ST6GALNAC6: variants seen among roughly 807,000 people sequenced by gnomAD.
The protein encoded by ST6GALNAC6 is ST6 N-acetylgalactosaminide alpha-2,6-sialyltransferase 6.
ST6GALNAC6 carries 19 observed loss-of-function variants against 34.3 expected under a neutral mutation model. The observed-to-expected ratio is 0.55, with a 90% CI of 0.39 to 0.81. The LOEUF is 0.81. ST6GALNAC6 is among the 40% of genes least tolerant of loss of function. ST6GALNAC6 has a pLI of 0.00. For synonymous variants in ST6GALNAC6, 185 were observed against 182.1 expected, an observed-to-expected ratio of 1.02 and a Z score of -0.13; for missense variants, 377 against 467.7, an observed-to-expected ratio of 0.81 and a Z score of 1.79.
chr9:127,900,882 G>A (rs1285634391), upstream of ST6GALNAC6, among the ~76,000 whole-genome samples: 2 of 150,402 alleles, frequency 1.3e-5, no homozygotes, highest in Non-Finnish European at 3.0e-5. Flanking sequence ...TACTTGGGAG[G>A]CTGAGGCAGG....
At chr9:127,891,969 T>G (rs1408586043) in intron 4 of ST6GALNAC6, among the ~76,000 whole-genome samples, 2 of 152,004 alleles carry the variant, frequency 1.3e-5, no homozygotes, top group South Asian at 4.2e-4. Flanking sequence ...CTGACCAACA[T>G]GGAGAAACCC....
chr9:127,893,989 G>GA (rs1396364252), intron 4 of ST6GALNAC6, among the ~76,000 whole-genome samples: 1 of 152,152 alleles, frequency 6.6e-6, no homozygotes, highest in Non-Finnish European at 1.5e-5. Flanking sequence ...CAGCGGGTAG[G>GA]AAAATACCAT....
chr9:127,903,505 T>A (rs1231064427), upstream of ST6GALNAC6: 1 of 152,178 alleles, frequency 6.6e-6, no homozygotes, highest in Non-Finnish European at 1.5e-5. Flanking sequence ...TACCAGTTTG[T>A]TTCCAATTAA....
chr9:127,904,067 T>C (rs1170912420), upstream of ST6GALNAC6: 1 of 152,094 alleles, frequency 6.6e-6, no homozygotes, highest in African/African-American at 2.4e-5. Flanking sequence ...ATAACAGTAA[T>C]AACAAGGATG....
intron 2 of ST6GALNAC6, chr9:127,897,140 T>C: frequency 1.0e-6 from 1 of 981,990 alleles, no homozygotes. Flanking sequence ...CCAGCTCTGC[T>C]CCGCACACCC....
rs1426329585 is a variant in ST6GALNAC6 at position 127,885,542 on chromosome 9, G to A, written c.*1057C>T. ...GAGGCCCAGCTTTAATAAAGTGCCT[G>A]ATACAGAGCCAGGGGACAGAACCCA... On this transcript the variant is annotated 3_prime_UTR_variant, in exon 7 of 7. Transcript: ENST00000373146. 6.6e-6 allele frequency: 1 copy of A among 152,394 alleles called. No homozygotes were observed. Among genetic ancestry groups the A allele is most frequent in the African/African-American group, 2.4e-5 (1 of 41,444 alleles). 9.4% of individuals were successfully genotyped at this position (152,394 alleles called of 1,614,324 possible). A position where few individuals can be genotyped will look rare whatever the true frequency, so the allele number is the denominator to read the frequency against.
At chr9:127,899,674 G>A, upstream of ST6GALNAC6, 1 of 984,076 alleles carries the variant, frequency 1.0e-6, no homozygotes, top group South Asian at 4.7e-5. Context: ...GGTGGGCGGA[G>A]CCTCGGGGCC....
intron 2 of ST6GALNAC6, chr9:127,897,555 C>A: frequency 1.8e-6 from 1 of 561,100 alleles, no homozygotes; most frequent in Non-Finnish European, 2.3e-6. Flanking sequence ...CAGCGGCTGC[C>A]CCTCACTGCC....
intron 4 of ST6GALNAC6, 49 bp downstream of exon 4, chr9:127,894,463 G>T: frequency 6.3e-7 from 1 of 1,599,572 alleles, no homozygotes. Context: ...GGTGGAGGGA[G>T]TGGTGATGCT....
rs1829762479 is a variant in ST6GALNAC6, at chr9:127,886,524, G to A, written c.*75C>T. The stretch of plus-strand genomic sequence containing the variant: ...TCCAGCAAGCCTTGATTGGCCAGAA[G>A]ATGGTCCCTGGCCTAGCGGCTGGGC... On this transcript the variant is annotated 3_prime_UTR_variant, in exon 7 of 7. Coordinates refer to ENST00000373146, the MANE Select transcript of ST6GALNAC6 (RefSeq NM_013443.5). The A allele has an allele frequency of 6.4e-7, 1 of 1,574,392 alleles. No individual in the cohort carries two copies. The highest frequency in any genetic ancestry group is 2.3e-5 in the East Asian group (1 of 44,348).
chr9:127,894,547 T>C lies in ST6GALNAC6; in HGVS notation c.262A>G (p.Ile88Val), dbSNP rs1830331701. 3.1e-6 allele frequency: 5 copies of C among 1,614,034 alleles called. No homozygotes were observed. The highest frequency in any genetic ancestry group is 2.7e-5 in the African/African-American group (2 of 74,924). Residue 88 changes from isoleucine to valine, a missense_variant, in exon 4 of 7, where the codon ATC (isoleucine) becomes GTC (valine). Physicochemically the swap from Ile to Val is conservative, Grantham distance 29. Coordinates refer to ENST00000373146, the MANE Select transcript of ST6GALNAC6 (RefSeq NM_013443.5). ...AGAATGGGGACATAGCCGTCAGTGA[T>C]GCTCCACTTCTTGAGGTTGACAGGT... Reference protein sequence around the residue: ...RRPVNLKKWSITDGYVPILGN... With the variant: ...RRPVNLKKWSVTDGYVPILGN...
chr9:127,896,775 G>A (rs1012461198), intron 2 of ST6GALNAC6: 2 of 811,068 alleles, frequency 2.5e-6, no homozygotes, highest in Admixed American at 1.2e-4. Flanking sequence ...CCCTCCTATG[G>A]CCTCCTGACT....
chr9:127,887,839 G>C (rs1205713691), intron 5 of ST6GALNAC6, among the ~76,000 whole-genome samples: 1 of 152,210 alleles, frequency 6.6e-6, no homozygotes, highest in Non-Finnish European at 1.5e-5. Context: ...GGGCATGCTA[G>C]AAATGAACTG....
At chr9:127,896,933 C>T (rs1297640502) in intron 2 of ST6GALNAC6, 1 of 985,146 alleles carries the variant, frequency 1.0e-6, no homozygotes, top group Non-Finnish European at 1.2e-6. Flanking sequence ...TCAGGAATAT[C>T]GCTGAATGAA....
At position 127,887,476 on chromosome 9, in the gene ST6GALNAC6, G is replaced by A; in HGVS notation, c.812+8C>T. On this transcript the variant is annotated splice_region_variant and intron_variant, in intron 6 of 6. Transcript: ENST00000373146. Reference sequence around the variant, plus strand: ...TGTCCTGGGAGGGCGCTGGCAAGGAGGGCTCACCTGCAGTAGTTGGGGGGG... The same window carrying A: ...TGTCCTGGGAGGGCGCTGGCAAGGAAGGCTCACCTGCAGTAGTTGGGGGGG... 6.2e-7 allele frequency: 1 copy of A among 1,607,570 alleles called. No individual in the cohort carries two copies. The highest frequency in any genetic ancestry group is 8.5e-7 in the Non-Finnish European group (1 of 1,176,056).
chr9:127,900,254 G>A (rs562888408), upstream of ST6GALNAC6, among the ~76,000 whole-genome samples: 3 of 152,314 alleles, frequency 2.0e-5, no homozygotes, highest in African/African-American at 7.2e-5. Flanking sequence ...GCACGAGGAG[G>A]CTGTTAAAAT....
chr9:127,900,817 C>T (rs12000717), upstream of ST6GALNAC6, among the ~76,000 whole-genome samples: 2 of 143,076 alleles, frequency 1.4e-5, no homozygotes, highest in African/African-American at 5.1e-5. Context: ...CCTCCAGTCT[C>T]TACTAAAAAT....
Position 127,890,669 on chromosome 9 carries a change from G to A in ST6GALNAC6, c.672C>T (p.Asp224=), listed in dbSNP as rs751598984. 5.1e-5 allele frequency: 83 copies of A among 1,613,222 alleles called. No homozygotes were observed. The highest frequency in any genetic ancestry group is 6.7e-5 in the Non-Finnish European group (79 of 1,180,038). The change falls in exon 5 of 7, where the codon GAC becomes GAT. Residue 224 remains aspartate (D), a synonymous_variant. Coordinates refer to ENST00000373146, the MANE Select transcript of ST6GALNAC6 (RefSeq NM_013443.5). This position sits in a 1 kb window ranked among gnomAD's most constrained non-coding sequence, Gnocchi z 4.3. ...AVSPGRMRQF[D]DLFRGETGKD... ...TGCCCGTCTCACCCCGGAAGAGGTC[G>A]TCAAATTGCCGCATGCGGCCGGGAG... is the stretch of plus-strand genomic sequence containing the variant.
At chr9:127,899,639 G>C (rs1488217602), upstream of ST6GALNAC6, 12 of 983,448 alleles carry the variant, frequency 1.2e-5, no homozygotes, top group East Asian at 1.1e-3. Flanking sequence ...TAGCGCCGCC[G>C]TCACGGCCCG....
Sources: gnomAD v4.1 joint callset for allele counts (sites outside exome capture counted in the v4.1 genomes callset) on GRCh38, gnomAD v4.1.1 for gene constraint, Gnocchi (gnomAD v3.1) non-coding constraint, MANE v1.5 for transcripts, NCBI Gene and HGNC (gene_info 2026-07-23, HGNC 2026-07-21) for gene names.